DNM1L: variants seen among roughly 807,000 people sequenced by gnomAD.
DNM1L encodes dynamin 1L.
In DNM1L, 33 loss-of-function variants were observed where a neutral mutation model predicts 92.8. The observed-to-expected ratio is 0.36, with a 90% CI of 0.27 to 0.48. The LOEUF is 0.48. Ranked by LOEUF, DNM1L falls within the 20% of genes least tolerant of loss-of-function variation. DNM1L has a pLI of 0.99. For missense variants in DNM1L, 485 were observed against 888.8 expected, an observed-to-expected ratio of 0.55 and a Z score of 5.78; for synonymous variants, 284 against 305.0, an observed-to-expected ratio of 0.93 and a Z score of 0.72.
chr12:32,685,363 T>A (rs1269558795), intron 1 of DNM1L, among the ~76,000 whole-genome samples: 1 of 110,592 alleles, frequency 9.0e-6, no homozygotes, highest in African/African-American at 3.6e-5. Context: ...CTGCACCTTT[T>A]TTTTTTTTTT....
At chr12:32,725,191 G>A (rs900681318) in intron 9 of DNM1L, 1 of 151,842 alleles carries the variant, frequency 6.6e-6, no homozygotes, top group African/African-American at 2.4e-5. Context: ...ATTCAAGCTA[G>A]GCCTCTCCTT....
At chr12:32,729,766 ACTTT>A (rs1954423456) in intron 9 of DNM1L, among the ~76,000 whole-genome samples, 2 of 152,118 alleles carry the variant, frequency 1.3e-5, no homozygotes, top group South Asian at 4.1e-4. Flanking sequence ...GGCCGAATTT[ACTTT>A]CTGTCTCTGA....
intron 9 of DNM1L, among the ~76,000 whole-genome samples, chr12:32,726,149 T>C (rs1480818903): frequency 2.0e-5 from 3 of 152,220 alleles, no homozygotes; most frequent in Non-Finnish European, 4.4e-5. Context: ...AACCAAATTA[T>C]GTAGCAGCGA....
Position 32,707,349 on chromosome 12 carries a change from A to G in DNM1L, c.251-18A>G. On this transcript the variant is annotated intron_variant, in intron 2 of 19. Coordinates refer to ENST00000549701, the MANE Select transcript of DNM1L (RefSeq NM_012062.5). ...TAGTTTCCATAGTTTCCAATAAATG[A>G]GTTTTTCTTTTTTCCAGGGGTGGAA... is the stretch of plus-strand genomic sequence containing the variant. 3 of 1,600,940 alleles carry G rather than the reference A, an allele frequency of 1.9e-6. No homozygotes were observed. Among genetic ancestry groups the G allele is most frequent in the Non-Finnish European group, 2.6e-6 (3 of 1,172,846 alleles).
intron 12 of DNM1L, among the ~76,000 whole-genome samples, chr12:32,733,240 T>G (rs1051201937): frequency 9.2e-5 from 14 of 152,258 alleles, no homozygotes; most frequent in African/African-American, 3.4e-4. Context: ...TTAAGGCTAA[T>G]CAGTCACTAC....
In DNM1L at chr12:32,743,480, T is replaced by C; in HGVS notation, c.*70T>C. 1.4e-6 allele frequency: 2 copies of C among 1,446,944 alleles called. No individual in the cohort carries two copies. Among genetic ancestry groups the C allele is most frequent in the Non-Finnish European group, 1.9e-6 (2 of 1,031,576 alleles). 89.6% of individuals were successfully genotyped at this position (1,446,944 alleles called of 1,614,324 possible). A position where few individuals can be genotyped will look rare whatever the true frequency, so the allele number is the denominator to read the frequency against. On this transcript the variant is annotated 3_prime_UTR_variant, in exon 20 of 20. Coordinates refer to ENST00000549701, the MANE Select transcript of DNM1L (RefSeq NM_012062.5). The stretch of plus-strand genomic sequence containing the variant: ...AGTTACTGCCTACCTGAGTAGAATC[T>C]TATTTATGAACTCCTGTGTATTGCA...
At chr12:32,691,794 G>A (rs1287542484) in intron 1 of DNM1L, among the ~76,000 whole-genome samples, 3 of 152,184 alleles carry the variant, frequency 2.0e-5, no homozygotes, top group African/African-American at 7.2e-5. Context: ...TGGAGCAGAT[G>A]AGGAGAGAAA....
chr12:32,680,205 T>C (rs1951755587), intron 1 of DNM1L, among the ~76,000 whole-genome samples: 1 of 152,050 alleles, frequency 6.6e-6, no homozygotes, highest in South Asian at 2.1e-4. Flanking sequence ...TTCTCATAGC[T>C]AACTCATTTT....
Position 32,742,751 on chromosome 12 carries a change from ATTGTGG to A in DNM1L, c.2154+4_2154+9del, listed in dbSNP as rs1345412620. 6.2e-7 allele frequency: 1 copy of A among 1,613,882 alleles called. No individual in the cohort carries two copies. The highest frequency in any genetic ancestry group is 1.3e-5 in the African/African-American group (1 of 74,886). ...AAGAAGCAGCTGATATGCTAAAGGT[ATTGTGG>A]ACCTTTTGATTTTTTATACTTGGGT... On this transcript the variant is annotated splice_donor_5th_base_variant and intron_variant, in intron 19 of 19. Coordinates refer to ENST00000549701, the MANE Select transcript of DNM1L (RefSeq NM_012062.5).
intron 1 of DNM1L, among the ~76,000 whole-genome samples, chr12:32,699,638 A>G (rs1952614044): frequency 6.6e-6 from 1 of 152,012 alleles, no homozygotes; most frequent in South Asian, 2.1e-4. Context: ...TCTACTAAAA[A>G]TACAAAACCG....
At position 32,679,351 on chromosome 12, in the gene DNM1L, T is replaced by A; in HGVS notation, c.-13T>A. On this transcript the variant is annotated 5_prime_UTR_variant, in exon 1 of 20. Transcript: ENST00000549701. ...GTGGCCGGCGGGCACTGGGGCCCCGTGTTTTCAGAGTCATGGAGGCGCTAA... is the reference window on the plus strand; with the variant it reads ...GTGGCCGGCGGGCACTGGGGCCCCGAGTTTTCAGAGTCATGGAGGCGCTAA... The A allele has an allele frequency of 6.2e-7, 1 of 1,607,102 alleles. No individual in the cohort carries two copies. The highest frequency in any genetic ancestry group is 1.1e-5 in the South Asian group (1 of 90,732).
chr12:32,734,741 G>C (rs535914630), intron 13 of DNM1L, among the ~76,000 whole-genome samples: 1 of 152,278 alleles, frequency 6.6e-6, no homozygotes, highest in East Asian at 1.9e-4. Flanking sequence ...CCCAGGAGGT[G>C]GAGGTTGCAG....
intron 15 of DNM1L, 52 bp from the exon 16 acceptor site, chr12:32,738,212 G>A (rs1265276090): frequency 6.3e-7 from 1 of 1,594,282 alleles, no homozygotes. Context: ...TCAACCCATT[G>A]GTATTTAAAT....
chr12:32,714,446 GTATTTT>G (rs984948525), intron 6 of DNM1L, among the ~76,000 whole-genome samples: 25 of 151,454 alleles, frequency 1.7e-4, no homozygotes, highest in Non-Finnish European at 3.4e-4. Context: ...CTAATTTTTT[GTATTTT>G]TAGTAGAGAC....
intron 12 of DNM1L, among the ~76,000 whole-genome samples, chr12:32,733,054 C>G (rs971146595): frequency 6.6e-6 from 1 of 152,190 alleles, no homozygotes; most frequent in African/African-American, 2.4e-5. Flanking sequence ...GAGCCGAGAT[C>G]GCGCCATTGC....
Position 32,727,634 on chromosome 12 carries a change from C to T in DNM1L, c.1080-3380C>T, listed in dbSNP as rs368546811. The T allele has an allele frequency of 1.5e-5, 5 of 322,946 alleles. No homozygotes were observed. In the East Asian group the frequency reaches 2.2e-4, roughly 14 times the overall value. 20.0% of individuals were successfully genotyped at this position (322,946 alleles called of 1,614,324 possible). ...CTACAACACATAGATGCCTATACTACATGTCTTTAAAAATCAGATGCTATA... is the reference window on the plus strand; with the variant it reads ...CTACAACACATAGATGCCTATACTATATGTCTTTAAAAATCAGATGCTATA... On this transcript the variant is annotated intron_variant, in intron 9 of 19. Coordinates refer to ENST00000549701, the MANE Select transcript of DNM1L (RefSeq NM_012062.5).
chr12:32,726,581 G>A (rs1340822274), intron 9 of DNM1L: 6 of 1,196,290 alleles, frequency 5.0e-6, no homozygotes, highest in Non-Finnish European at 7.4e-6. Flanking sequence ...GACCAATTTT[G>A]AAGTCTGCAG....
rs756892502 is a variant in DNM1L, at chr12:32,737,094, G to A, written c.1540-11G>A. 60 of 1,613,298 alleles carry A rather than the reference G, an allele frequency of 3.7e-5. 1 individual carries two copies. The East Asian group carries it at 7.8e-4, about 21-fold the overall frequency. On this transcript the variant is annotated splice_polypyrimidine_tract_variant and intron_variant, in intron 13 of 19. Coordinates refer to ENST00000549701, the MANE Select transcript of DNM1L (RefSeq NM_012062.5). ...TTGGATAATCACTTTTGTTTTGCTT[G>A]TGTTTCTTAGGAACAAAGGAGAAAC...
chr12:32,737,297 C>A, intron 14 of DNM1L, 136 bp downstream of exon 14: 1 of 821,984 alleles, frequency 1.2e-6, no homozygotes, highest in South Asian at 1.6e-5. Flanking sequence ...TGAGTAAAGG[C>A]ATACAAGTTT....
Sources: allele counts gnomAD v4.1 joint callset (sites outside exome capture counted in the v4.1 genomes callset), GRCh38; gene constraint gnomAD v4.1.1; transcripts MANE v1.5; gene names NCBI Gene and HGNC (gene_info 2026-07-23, HGNC 2026-07-21).